KRT32: variants seen among roughly 807,000 people sequenced by gnomAD.
The protein encoded by KRT32 is keratin, type I cuticular Ha2.
KRT32 carries 44 observed loss-of-function variants against 41.8 expected under a neutral mutation model. The ratio of observed to expected loss-of-function variants is 1.05; its 90% CI spans 0.83 to 1.35. The LOEUF is 1.35. Ranked by LOEUF, KRT32 falls within the 40% of genes most tolerant of loss-of-function variation. The probability of loss-of-function intolerance (pLI) is 0.00; values close to 1 mark genes in which losing one functional copy is unlikely to be tolerated. For synonymous variants in KRT32, 238 were observed against 242.5 expected (o/e 0.98, Z 0.17); for missense variants, 576 against 584.6 (o/e 0.99, Z 0.15).
Position 41,464,321 on chromosome 17 carries a change from C to T in KRT32, c.831G>A (p.Glu277=). 6.2e-7 allele frequency: 1 copy of T among 1,610,330 alleles called. No homozygotes were observed. The highest frequency in any genetic ancestry group is 8.5e-7 in the Non-Finnish European group (1 of 1,177,998). The change falls in exon 4 of 7, where the codon GAG becomes GAA. Residue 277 remains glutamate (E), a synonymous_variant. Transcript: ENST00000225899. The stretch of plus-strand genomic sequence containing the variant: ...ATTCCTCCACGTCCCTGCGGTTGGC[C>T]TCCACCATGGCCTCGTACTGACACC... ...EMRCQYEAMV[E]ANRRDVEEWF...
chr17:41,465,001 A>G (rs1221599380), intron 3 of KRT32, among the ~76,000 whole-genome samples: 1 of 152,134 alleles, frequency 6.6e-6, no homozygotes, highest in Non-Finnish European at 1.5e-5. Flanking sequence ...GTTACTTTAC[A>G]CTTAAGCCTG....
chr17:41,464,464 C>T, intron 3 of KRT32, 21 bp from the exon 4 acceptor site: 1 of 1,522,462 alleles, frequency 6.6e-7, no homozygotes, highest in African/African-American at 1.4e-5. Context: ...ACAAGACCTC[C>T]AGAAAAATGT....
In KRT32 at chr17:41,466,072, C is replaced by T. The variant is rs368698948; in HGVS notation, c.551+22G>A. On this transcript the variant is annotated intron_variant, in intron 2 of 6. Coordinates refer to ENST00000225899, the MANE Select transcript of KRT32 (RefSeq NM_002278.3). ...CTATGAGGACAGGTCCTCCCCAGCT[C>T]CAGCCCCCCGACTGAACTCACTTGG... The T allele has an allele frequency of 2.5e-5, 41 of 1,613,410 alleles. No homozygotes were observed. The Admixed American group carries it at 4.3e-4, about 17-fold the overall frequency.
At chr17:41,460,991 A>G (rs1216285048) in intron 6 of KRT32, among the ~76,000 whole-genome samples, 2 of 152,274 alleles carry the variant, frequency 1.3e-5, no homozygotes, top group East Asian at 3.9e-4. Flanking sequence ...ACCTTCTTCC[A>G]GCTCCTGCAG....
At chr17:41,465,128 A>G (rs1352994506) in intron 3 of KRT32, among the ~76,000 whole-genome samples, 1 of 152,218 alleles carries the variant, frequency 6.6e-6, no homozygotes, top group South Asian at 2.1e-4. Context: ...GGCAGCACAC[A>G]GGTGCCCAAA....
At position 41,460,267 on chromosome 17, in the gene KRT32, G is replaced by A. The variant is rs761496145; in HGVS notation, c.1218-28C>T. 19 of 1,562,466 alleles carry A rather than the reference G, an allele frequency of 1.2e-5. No homozygotes were observed. In the Admixed American group the frequency reaches 1.5e-4, roughly 13 times the overall value. On this transcript the variant is annotated intron_variant, in intron 6 of 6. Transcript: ENST00000225899. ...GCAGGAGAAAGTCAAAGAGAAACAG[G>A]ATTAGTAGAGAAGGCCCACTCGGCC...
At chr17:41,463,072 C>G (rs774231176) in intron 5 of KRT32, 22 bp from the exon 6 acceptor site, 14 of 1,595,962 alleles carry the variant, frequency 8.8e-6, no homozygotes, top group South Asian at 6.7e-5. Flanking sequence ...GAAGACATAA[C>G]CATGAGGAAG....
chr17:41,461,712 G>A (rs1490317450), intron 6 of KRT32, among the ~76,000 whole-genome samples: 2 of 152,218 alleles, frequency 1.3e-5, no homozygotes, highest in East Asian at 1.9e-4. Context: ...TATGACCCAC[G>A]TCATTCATGC....
intron 6 of KRT32, among the ~76,000 whole-genome samples, chr17:41,461,860 C>T (rs2019004162): frequency 6.6e-6 from 1 of 152,222 alleles, no homozygotes. Flanking sequence ...GTGTCCATGG[C>T]CCAGAGGTAC....
chr17:41,464,295 C>A lies in KRT32; in HGVS notation c.857G>T (p.Trp286Leu). ...TGAGAGGCCCACCTGCATATTGAACCATTCCTCCACGTCCCTGCGGTTGGC... is the reference window on the plus strand; with the variant it reads ...TGAGAGGCCCACCTGCATATTGAACAATTCCTCCACGTCCCTGCGGTTGGC... The part of the protein sequence containing the change: ...VEANRRDVEE[W>L]FNMQMEELNQ... The change falls in exon 4 of 7, where the codon TGG becomes TTG. Residue 286 changes from tryptophan (W) to leucine (L), a missense_variant. Physicochemically the swap from Trp to Leu is moderately conservative, Grantham distance 61. Transcript: ENST00000225899. 6.2e-7 allele frequency: 1 copy of A among 1,601,952 alleles called. No individual in the cohort carries two copies. The highest frequency in any genetic ancestry group is 1.7e-5 in the Admixed American group (1 of 58,600).
chr17:41,459,956 G>T lies in KRT32; in HGVS notation c.*154C>A. 1 of 721,008 alleles carries T rather than the reference G, an allele frequency of 1.4e-6. No individual in the cohort carries two copies. The highest frequency in any genetic ancestry group is 2.2e-6 in the Non-Finnish European group (1 of 452,556). The allele number at this position is 721,008 out of a possible 1,614,324, so 44.7% of individuals were successfully genotyped here. On this transcript the variant is annotated 3_prime_UTR_variant, in exon 7 of 7. Coordinates refer to ENST00000225899, the MANE Select transcript of KRT32 (RefSeq NM_002278.3). ...CAGTTTTGAAGTGATGAGGGCTTAA[G>T]TATCCCCTGGAGTATCAGAGCTTGT...
intron 5 of KRT32, 44 bp downstream of exon 5, chr17:41,464,034 C>A (rs374724222): frequency 1.3e-6 from 2 of 1,510,676 alleles, no homozygotes; most frequent in South Asian, 2.7e-5. Flanking sequence ...TGCTCAGTAC[C>A]GCCTAGGATC....
rs116901031 is a variant in KRT32 at position 41,460,181 on chromosome 17, C to T, written c.1276G>A (p.Val426Met). Reference sequence around the variant, plus strand: ...CGTGGCACACAGACGGTGCGGGGCACGCATGGGGAGGGCACACAGGTGGTG... The same window carrying T: ...CGTGGCACACAGACGGTGCGGGGCATGCATGGGGAGGGCACACAGGTGGTG... Reference protein sequence around the residue: ...SCTTCVPSPCVPRTVCVPRTV... With the variant: ...SCTTCVPSPCMPRTVCVPRTV... Residue 426 changes from valine (V) to methionine (M), a missense_variant, in exon 7 of 7, where the codon GTG (valine) becomes ATG (methionine). Coordinates refer to ENST00000225899, the MANE Select transcript of KRT32 (RefSeq NM_002278.3). 1,149 of 1,612,888 alleles carry T rather than the reference C, an allele frequency of 7.1e-4. 19 individuals are homozygous for T. In the East Asian group the frequency reaches 0.022, roughly 31 times the overall value.
intron 2 of KRT32, 31 bp from the exon 3 acceptor site, chr17:41,465,960 T>C (rs2019063241): frequency 6.2e-7 from 1 of 1,605,246 alleles, no homozygotes; most frequent in Non-Finnish European, 8.5e-7. Context: ...CAACCAAGGG[T>C]GAAACAGAAT....
chr17:41,464,268 C>T lies in KRT32; in HGVS notation c.870+14G>A, dbSNP rs369299043. ...GGGATATGGAGGAGGCCATCCCCAC[C>T]GTGAGAGGCCCACCTGCATATTGAA... On this transcript the variant is annotated intron_variant, in intron 4 of 6. Coordinates refer to ENST00000225899, the MANE Select transcript of KRT32 (RefSeq NM_002278.3). 9 of 1,586,596 alleles carry T rather than the reference C, an allele frequency of 5.7e-6. 1 individual carries two copies. Among genetic ancestry groups the T allele is most frequent in the South Asian group, 3.5e-5 (3 of 86,712 alleles).
intron 5 of KRT32, among the ~76,000 whole-genome samples, chr17:41,463,308 G>A (rs2019026310): frequency 6.6e-6 from 1 of 152,208 alleles, no homozygotes; most frequent in African/African-American, 2.4e-5. Flanking sequence ...TCTGCCTTCA[G>A]GATTGGATCT....
Position 41,459,954 on chromosome 17 carries a change from AAGTATCCCCTGG to A in KRT32, c.*144_*155del. 1.4e-6 allele frequency: 1 copy of A among 709,452 alleles called. No homozygotes were observed. The highest frequency in any genetic ancestry group is 2.3e-6 in the Non-Finnish European group (1 of 442,514). 43.9% of individuals were successfully genotyped at this position (709,452 alleles called of 1,614,324 possible). A position where few individuals can be genotyped will look rare whatever the true frequency, so the allele number is the denominator to read the frequency against. On this transcript the variant is annotated 3_prime_UTR_variant, in exon 7 of 7. Transcript: ENST00000225899. ...GGCAGTTTTGAAGTGATGAGGGCTT[AAGTATCCCCTGG>A]AGTATCAGAGCTTGTTGCAGGTGAT...
At chr17:41,465,303 C>T (rs561629954) in intron 3 of KRT32, among the ~76,000 whole-genome samples, 2 of 152,236 alleles carry the variant, frequency 1.3e-5, no homozygotes, top group East Asian at 3.9e-4. Context: ...AGAGATGGGA[C>T]TGCTTCTGAG....
At position 41,466,183 on chromosome 17, in the gene KRT32, G is replaced by A; in HGVS notation, c.469-7C>T. ...CTGCCTTGGTACACAGAATCTGTAG[G>A]CCAAGGCACATGGAGAGGGTTAGTT... is the stretch of plus-strand genomic sequence containing the variant. On this transcript the variant is annotated splice_polypyrimidine_tract_variant and splice_region_variant and intron_variant, in intron 1 of 6. Transcript: ENST00000225899. 6.2e-7 allele frequency: 1 copy of A among 1,612,446 alleles called. No homozygotes were observed. The highest frequency in any genetic ancestry group is 8.5e-7 in the Non-Finnish European group (1 of 1,178,976).
Sources: allele counts gnomAD v4.1 joint callset (sites outside exome capture counted in the v4.1 genomes callset), GRCh38; gene constraint gnomAD v4.1.1; transcripts MANE v1.5; gene names NCBI Gene and HGNC (gene_info 2026-07-23, HGNC 2026-07-21).